The following NRG1 variants were observed in gnomAD, a reference collection of about 807,000 sequenced individuals.
The protein encoded by NRG1 is pro-neuregulin-1, membrane-bound isoform.
In NRG1, 18 loss-of-function variants were observed where a neutral mutation model predicts 63.8. The ratio of observed to expected loss-of-function variants is 0.28; its 90% CI spans 0.19 to 0.42. NRG1 has a LOEUF of 0.42. Ranked by LOEUF, NRG1 falls within the 10% of genes least tolerant of loss-of-function variation. NRG1 has a pLI of 1.00. For synonymous variants in NRG1, 302 were observed against 301.3 expected (o/e 1.00, Z -0.02); for missense variants, 762 against 814.7 (o/e 0.94, Z 0.79).
At chr8:31,705,960 G>A (rs1811108780) in intron 1 of NRG1, among the ~76,000 whole-genome samples, 1 of 152,170 alleles carries the variant, frequency 6.6e-6, no homozygotes, top group African/African-American at 2.4e-5. Flanking sequence ...CTGAGTTCAC[G>A]TACGTCTTAG....
chr8:31,677,572 C>T (rs1272065540), intron 1 of NRG1, among the ~76,000 whole-genome samples: 1 of 152,136 alleles, frequency 6.6e-6, no homozygotes, highest in Non-Finnish European at 1.5e-5. Flanking sequence ...TGCCATTGCA[C>T]TCCAGCCTGA....
At chr8:31,705,575 T>C (rs1811071535) in intron 1 of NRG1, among the ~76,000 whole-genome samples, 1 of 152,230 alleles carries the variant, frequency 6.6e-6, no homozygotes, top group African/African-American at 2.4e-5. Context: ...TGTGACAAGA[T>C]GATTCTATTT....
chr8:32,239,774 A>G (rs1174888261), intron 1 of NRG1, among the ~76,000 whole-genome samples: 1 of 152,216 alleles, frequency 6.6e-6, no homozygotes, highest in African/African-American at 2.4e-5. Flanking sequence ...TTTACCAAAG[A>G]TGATATACAG....
At chr8:32,082,361 TACCCTCC>T (rs1170646464) in intron 1 of NRG1, among the ~76,000 whole-genome samples, 2 of 151,986 alleles carry the variant, frequency 1.3e-5, no homozygotes, top group African/African-American at 2.4e-5. Flanking sequence ...TCCCTCCTCC[TACCCTCC>T]ACCCTCCACC....
chr8:32,610,467 A>G (rs1414677055), intron 3 of NRG1, among the ~76,000 whole-genome samples: 1 of 152,186 alleles, frequency 6.6e-6, no homozygotes, highest in Non-Finnish European at 1.5e-5. Flanking sequence ...ATTAGATCAT[A>G]AAAGTCTTCT....
intron 1 of NRG1, among the ~76,000 whole-genome samples, chr8:31,879,559 C>T (rs952151337): frequency 6.6e-6 from 1 of 151,946 alleles, no homozygotes; most frequent in Non-Finnish European, 1.5e-5. Flanking sequence ...TTTTTAATTC[C>T]TTATTTAAAA....
rs570984424 is a variant in NRG1 at position 32,281,374 on chromosome 8, C to G, written c.38-314454C>G. Among the ~76,000 whole-genome samples, 24 of 151,688 alleles carry G rather than the reference C, an allele frequency of 1.6e-4. No individual in the cohort carries two copies. In the South Asian group the frequency reaches 4.6e-3, roughly 29 times the overall value. On this transcript the variant is annotated intron_variant, in intron 1 of 10. Transcript: ENST00000519301. ...TGTATTTTTAGTAGAGATGGGGTTT[C>G]ACCATGTTGGCCAGGCTGGTCTCGA...
In NRG1 at chr8:31,724,294, TGCTGTA is replaced by T. The variant is rs1391742672; in HGVS notation, c.37+84865_37+84870del. 2.6e-5 allele frequency among the ~76,000 whole-genome samples: 4 copies of T among 152,060 alleles called. 1 individual carries two copies. The highest frequency in any genetic ancestry group is 6.3e-3 in the Middle Eastern group (2 of 316). On this transcript the variant is annotated intron_variant, in intron 1 of 10. Coordinates refer to the NRG1 transcript ENST00000519301. Reference sequence around the variant, plus strand: ...TGTGTTCAGAAAGAATGAACAAAATTGCTGTAGTAACTCAATTTCAGAAGAGTTTGA... The same window carrying T: ...TGTGTTCAGAAAGAATGAACAAAATTGTAACTCAATTTCAGAAGAGTTTGA...
chr8:31,709,997 C>A (rs955913638), intron 1 of NRG1, among the ~76,000 whole-genome samples: 1 of 151,536 alleles, frequency 6.6e-6, no homozygotes, highest in African/African-American at 2.4e-5. Flanking sequence ...TTCAGAAACT[C>A]AATTTCCTTA....
At chr8:32,463,772 T>G (rs1003359090) in intron 1 of NRG1, among the ~76,000 whole-genome samples, 2 of 148,442 alleles carry the variant, frequency 1.3e-5, no homozygotes, top group Admixed American at 1.4e-4. Flanking sequence ...GCCCAGGAGG[T>G]CAAGGCTACG....
intron 1 of NRG1, among the ~76,000 whole-genome samples, chr8:32,423,603 G>A (rs1816967187): frequency 1.3e-5 from 2 of 152,012 alleles, no homozygotes; most frequent in Non-Finnish European, 2.9e-5. Flanking sequence ...CCATGTTCAT[G>A]CCAGTGCACT....
chr8:32,086,607 T>C (rs1828255505), intron 1 of NRG1, among the ~76,000 whole-genome samples: 1 of 152,238 alleles, frequency 6.6e-6, no homozygotes. Context: ...TTCTAACTTA[T>C]TTTCTTGGGT....
chr8:32,158,007 C>G (rs1010797400), intron 1 of NRG1, among the ~76,000 whole-genome samples: 1 of 152,176 alleles, frequency 6.6e-6, no homozygotes, highest in African/African-American at 2.4e-5. Context: ...ACATGAACCA[C>G]GTCAACAGGA....
intron 1 of NRG1, among the ~76,000 whole-genome samples, chr8:32,267,933 C>T (rs541833490): frequency 3.3e-5 from 5 of 152,160 alleles, no homozygotes; most frequent in Non-Finnish European, 7.3e-5. Context: ...GAAGTTCACT[C>T]CCTTGTATGC....
At chr8:32,489,948 G>A (rs1826354578) in intron 1 of NRG1, among the ~76,000 whole-genome samples, 2 of 152,142 alleles carry the variant, frequency 1.3e-5, no homozygotes, top group Admixed American at 1.3e-4. Context: ...GTCCCTGTGG[G>A]GAATGGTTCT....
chr8:32,080,764 CGTGTGTGTGTGT>C (rs3084557), intron 1 of NRG1, among the ~76,000 whole-genome samples: 15,451 of 148,712 alleles, frequency 0.1, 1,465 homozygotes, highest in African/African-American at 0.24. Flanking sequence ...TGTGTGTGTG[CGTGTGTGTGTGT>C]GTGTGTGTGT....
chr8:32,227,498 A>G (rs1395989338), intron 1 of NRG1, among the ~76,000 whole-genome samples: 1 of 152,212 alleles, frequency 6.6e-6, no homozygotes, highest in Non-Finnish European at 1.5e-5. Context: ...CCCAAACTGC[A>G]CAGGAAAGTT....
chr8:32,009,836 GGGACAA>G (rs1814441611), intron 1 of NRG1, among the ~76,000 whole-genome samples: 2 of 151,948 alleles, frequency 1.3e-5, no homozygotes, highest in Non-Finnish European at 2.9e-5. Flanking sequence ...TGACTTTTGA[GGGACAA>G]TGACTGCTCC....
At chr8:32,582,549 A>C (rs761783517) in intron 1 of NRG1, among the ~76,000 whole-genome samples, 3 of 152,230 alleles carry the variant, frequency 2.0e-5, no homozygotes, top group Non-Finnish European at 2.9e-5. Context: ...TATGGGATAC[A>C]GTTCTTTGAT....
Sources: gnomAD v4.1 joint callset for allele counts (sites outside exome capture counted in the v4.1 genomes callset) on GRCh38, gnomAD v4.1.1 for gene constraint, MANE v1.5 for transcripts, NCBI Gene and HGNC (gene_info 2026-07-23, HGNC 2026-07-21) for gene names.